The following SLC22A23 variants were observed in gnomAD, a reference collection of about 807,000 sequenced individuals.
The protein encoded by SLC22A23 is solute carrier family 22 member 23.
SLC22A23 carries 26 observed loss-of-function variants against 61.0 expected under a neutral mutation model. The ratio of observed to expected loss-of-function variants is 0.43; its 90% CI spans 0.31 to 0.59. The LOEUF (loss-of-function observed/expected upper bound fraction) is 0.59. Ranked by LOEUF, SLC22A23 falls within the 20% of genes least tolerant of loss-of-function variation. The pLI, the probability that SLC22A23 is intolerant of heterozygous loss-of-function variation, is 0.11. For synonymous variants in SLC22A23, 430 were observed against 413.9 expected (o/e 1.04, Z -0.47); for missense variants, 796 against 934.7 (o/e 0.85, Z 1.94).
At chr6:3,325,210 T>A (rs1304409564) in intron 3 of SLC22A23, among the ~76,000 whole-genome samples, 1 of 152,166 alleles carries the variant, frequency 6.6e-6, no homozygotes, top group African/African-American at 2.4e-5. Context: ...GTGGGCTTCA[T>A]GGATCAGCTG....
At chr6:3,347,037 C>A (rs1201550039) in intron 3 of SLC22A23, among the ~76,000 whole-genome samples, 1 of 152,068 alleles carries the variant, frequency 6.6e-6, no homozygotes, top group African/African-American at 2.4e-5. Flanking sequence ...TATTTCCTCC[C>A]AATCTTTCAC....
chr6:3,298,343 C>T, intron 4 of SLC22A23, 125 bp from the exon 5 acceptor site: 2 of 1,068,422 alleles, frequency 1.9e-6, no homozygotes, highest in Admixed American at 5.8e-5. Context: ...ACGCATCAGC[C>T]CAATCAGGGG....
chr6:3,282,344 G>T, intron 9 of SLC22A23: 1 of 702,014 alleles, frequency 1.4e-6, no homozygotes, highest in South Asian at 1.5e-5. Context: ...GGGACAGGAT[G>T]AGTTCCTTGT....
chr6:3,418,466 C>T (rs1769887564), intron 1 of SLC22A23, among the ~76,000 whole-genome samples: 1 of 152,194 alleles, frequency 6.6e-6, no homozygotes, highest in South Asian at 2.1e-4. Context: ...AGCCATGACC[C>T]CATTAAGGTG....
Position 3,454,230 on chromosome 6 carries a change from T to C in SLC22A23, c.654+1676A>G, listed in dbSNP as rs2127561295. On this transcript the variant is annotated intron_variant, in intron 1 of 9. Transcript: ENST00000406686. The surrounding 1 kb of genome is among the most constrained non-coding windows in gnomAD (Gnocchi z 4.3). ...TGTCTGTGACCCTCTCGAATGCTAA[T>C]TTAGAAAAACTGCCCAGCTCTCCAA... 6.6e-6 allele frequency among the ~76,000 whole-genome samples: 1 copy of C among 152,280 alleles called. No individual in the cohort carries two copies. The highest frequency in any genetic ancestry group is 1.9e-4 in the East Asian group (1 of 5,180).
At chr6:3,378,657 C>CTTTTTTTT (rs574704294) in intron 3 of SLC22A23, among the ~76,000 whole-genome samples, 121 of 118,970 alleles carry the variant, frequency 1.0e-3, no homozygotes, top group East Asian at 1.5e-3. Flanking sequence ...TTTCTTTTTT[C>CTTTTTTTT]TTTTTTTTTT....
At chr6:3,344,643 G>A (rs949902069) in intron 3 of SLC22A23, among the ~76,000 whole-genome samples, 3 of 152,246 alleles carry the variant, frequency 2.0e-5, no homozygotes, top group Admixed American at 6.5e-5. Context: ...ATAGAGTGAT[G>A]TATAAAGATC....
chr6:3,344,925 C>T (rs1387884468), intron 3 of SLC22A23, among the ~76,000 whole-genome samples: 1 of 120,372 alleles, frequency 8.3e-6, no homozygotes, highest in East Asian at 2.9e-4. Context: ...TCTTCCTAGT[C>T]TTGATGTTCA....
chr6:3,275,163 C>A (rs1758778607), intron 9 of SLC22A23, among the ~76,000 whole-genome samples: 1 of 152,174 alleles, frequency 6.6e-6, no homozygotes, highest in Non-Finnish European at 1.5e-5. Context: ...CAGAAACTAA[C>A]CTTCACATTT....
chr6:3,406,669 A>G (rs1768862141), intron 3 of SLC22A23, among the ~76,000 whole-genome samples: 3 of 152,148 alleles, frequency 2.0e-5, no homozygotes, highest in Admixed American at 6.5e-5. Flanking sequence ...GGGGAAATCC[A>G]TTGAGCTTGG....
chr6:3,289,212 G>A (rs531659421), intron 6 of SLC22A23, among the ~76,000 whole-genome samples: 6 of 152,340 alleles, frequency 3.9e-5, no homozygotes, highest in African/African-American at 7.2e-5. Context: ...AAGAACCTGC[G>A]TGAGTGATGC....
intron 3 of SLC22A23, among the ~76,000 whole-genome samples, chr6:3,400,698 T>G (rs1222210093): frequency 6.6e-6 from 1 of 152,258 alleles, no homozygotes; most frequent in Non-Finnish European, 1.5e-5. Flanking sequence ...AAGCATCTTC[T>G]CAACTGTTTC....
chr6:3,392,230 G>A (rs1767711967), intron 3 of SLC22A23, among the ~76,000 whole-genome samples: 2 of 152,248 alleles, frequency 1.3e-5, no homozygotes, highest in African/African-American at 4.8e-5. Context: ...AGGGGAAGGA[G>A]TGTTCCTTCT....
chr6:3,323,376 CAGTG>C (rs1763078804), intron 4 of SLC22A23: 1 of 457,408 alleles, frequency 2.2e-6, no homozygotes, highest in African/African-American at 2.0e-5. Context: ...CAAAAACAGA[CAGTG>C]GGCCTGATGT....
At chr6:3,407,489 T>A (rs1398589366) in intron 3 of SLC22A23, among the ~76,000 whole-genome samples, 1 of 152,240 alleles carries the variant, frequency 6.6e-6, no homozygotes, top group Non-Finnish European at 1.5e-5. Context: ...ACTATTTCCT[T>A]TTTAAATTCT....
At chr6:3,395,218 T>C (rs1399614864) in intron 3 of SLC22A23, among the ~76,000 whole-genome samples, 1 of 152,224 alleles carries the variant, frequency 6.6e-6, no homozygotes, top group Non-Finnish European at 1.5e-5. Flanking sequence ...AGTGTGAACC[T>C]ATAATAAGAT....
intron 4 of SLC22A23, among the ~76,000 whole-genome samples, chr6:3,310,424 C>T (rs1049324753): frequency 1.3e-5 from 2 of 151,124 alleles, no homozygotes; most frequent in Non-Finnish European, 3.0e-5. Context: ...ACCCTGTCTC[C>T]CACTCGAGCA....
chr6:3,281,875 C>G (rs1363781111), intron 9 of SLC22A23, among the ~76,000 whole-genome samples: 1 of 152,120 alleles, frequency 6.6e-6, no homozygotes, highest in East Asian at 1.9e-4. Flanking sequence ...AAAAGCATCA[C>G]CAAGGGTCAC....
intron 1 of SLC22A23, among the ~76,000 whole-genome samples, chr6:3,421,800 T>G (rs1158983244): frequency 6.6e-6 from 1 of 152,068 alleles, no homozygotes; most frequent in Non-Finnish European, 1.5e-5. Flanking sequence ...AGGAAAAACC[T>G]TTTCGCCTTC....
Sources: allele counts gnomAD v4.1 joint callset (sites outside exome capture counted in the v4.1 genomes callset), GRCh38; gene constraint gnomAD v4.1.1; non-coding constraint Gnocchi (gnomAD v3.1); transcripts MANE v1.5; gene names NCBI Gene and HGNC (gene_info 2026-07-23, HGNC 2026-07-21).